The following BACH2 variants were observed in gnomAD, a reference collection of about 807,000 sequenced individuals.
BACH2 encodes the protein BACH transcriptional regulator 2, also known as transcription regulator protein BACH2.
BACH2 carries 5 observed loss-of-function variants against 61.8 expected under a neutral mutation model. The observed-to-expected ratio is 0.08, with a 90% confidence interval of 0.04 to 0.17. The LOEUF (loss-of-function observed/expected upper bound fraction) is 0.17, where lower values mean the gene tolerates loss of function less well. BACH2 is among the 10% of genes least tolerant of loss of function. The pLI, the probability that BACH2 is intolerant of heterozygous loss-of-function variation, is 1.00. For missense variants in BACH2, 824 were observed against 1,091.1 expected (o/e 0.76, Z 3.45); for synonymous variants, 446 against 440.1 (o/e 1.01, Z -0.17).
rs775598338 is a variant in BACH2 at position 89,951,026 on chromosome 6, A to G, written c.1080T>C (p.Ser360=). The change falls in exon 7 of 9, where the codon TCT becomes TCC. Residue 360 remains serine (S), a synonymous_variant. Coordinates refer to ENST00000257749, the MANE Select transcript of BACH2 (RefSeq NM_021813.4). The surrounding 1 kb of genome is among the most constrained non-coding windows in gnomAD (Gnocchi z 6.4). ...CTGGACTCCTGGCAAAGTGCTGCTG[A>G]GATGTACTGGGCAGGCCAGACAGCT... ...SVELSGLPST[S]QQHFARSPAC... 7 of 1,602,924 alleles carry G rather than the reference A, an allele frequency of 4.4e-6. No individual in the cohort carries two copies. Among genetic ancestry groups the G allele is most frequent in the Middle Eastern group, 1.7e-4 (1 of 6,018 alleles).
At chr6:89,943,559 C>T (rs1415699232) in intron 7 of BACH2, among the ~76,000 whole-genome samples, 1 of 152,108 alleles carries the variant, frequency 6.6e-6, no homozygotes, top group African/African-American at 2.4e-5. Context: ...TAGATTTCCC[C>T]GTGATCTTTG....
At chr6:89,977,679 GC>G (rs1469891213) in intron 6 of BACH2, among the ~76,000 whole-genome samples, 2 of 152,174 alleles carry the variant, frequency 1.3e-5, no homozygotes, top group African/African-American at 2.4e-5. Flanking sequence ...TTCAAATGGA[GC>G]CTATCGCTTC....
chr6:90,099,271 CAG>C (rs1241051450), intron 4 of BACH2, among the ~76,000 whole-genome samples: 2 of 152,188 alleles, frequency 1.3e-5, no homozygotes, highest in Admixed American at 6.5e-5. Context: ...AGCCTAAAGT[CAG>C]AGAGACCCAG....
intron 5 of BACH2, among the ~76,000 whole-genome samples, chr6:90,044,076 T>C (rs961592616): frequency 1.3e-5 from 2 of 152,164 alleles, no homozygotes; most frequent in Non-Finnish European, 2.9e-5. Context: ...GATATAGCAA[T>C]GAACAAAGCA....
At chr6:90,171,344 T>C (rs1277160918) in intron 4 of BACH2, among the ~76,000 whole-genome samples, 2 of 150,062 alleles carry the variant, frequency 1.3e-5, no homozygotes, top group African/African-American at 4.9e-5. Context: ...ACCCAGGAGG[T>C]GGAGGTTGCA....
At chr6:90,127,423 T>G (rs940214149) in intron 4 of BACH2, among the ~76,000 whole-genome samples, 3 of 152,166 alleles carry the variant, frequency 2.0e-5, no homozygotes, top group Non-Finnish European at 2.9e-5. Flanking sequence ...AGGGCAAGCC[T>G]CAGGCACCAG....
chr6:89,951,672 T>G lies in BACH2; in HGVS notation c.434A>C (p.Lys145Thr). 1 of 1,614,216 alleles carries G rather than the reference T, an allele frequency of 6.2e-7. No homozygotes were observed. The highest frequency in any genetic ancestry group is 8.5e-7 in the Non-Finnish European group (1 of 1,180,040). ...NSEDGLFVCR[K>T]DAACQRPHED... ...GTGTGGGCGCTGGCACGCAGCATCC[T>G]TCCGGCACACAAACAGGCCATCCTC... The change falls in exon 7 of 9, where the codon AAG becomes ACG. Residue 145 changes from lysine to threonine, a missense_variant. Lys to Thr is a moderately conservative substitution (Grantham distance 78). Coordinates refer to ENST00000257749, the MANE Select transcript of BACH2 (RefSeq NM_021813.4). The surrounding 1 kb of genome is among the most constrained non-coding windows in gnomAD (Gnocchi z 6.4).
chr6:89,984,507 A>G (rs1218244548), intron 6 of BACH2, among the ~76,000 whole-genome samples: 1 of 152,208 alleles, frequency 6.6e-6, no homozygotes, highest in Admixed American at 6.5e-5. Context: ...TGGAAAAAAT[A>G]TATCAGATAA....
chr6:90,285,828 A>G (rs1359989412), intron 1 of BACH2, among the ~76,000 whole-genome samples: 2 of 152,202 alleles, frequency 1.3e-5, no homozygotes, highest in Non-Finnish European at 2.9e-5. Flanking sequence ...GTCAGCAAGC[A>G]CTGCTGGTAG....
At chr6:90,030,282 T>C (rs1001193280) in intron 5 of BACH2, among the ~76,000 whole-genome samples, 5 of 152,048 alleles carry the variant, frequency 3.3e-5, no homozygotes, top group African/African-American at 9.7e-5. Context: ...CTCAGGATGA[T>C]GCTTTCAGAA....
At chr6:90,267,446 C>G (rs891258493) in intron 2 of BACH2, among the ~76,000 whole-genome samples, 1 of 152,120 alleles carries the variant, frequency 6.6e-6, no homozygotes, top group African/African-American at 2.4e-5. Flanking sequence ...AACAGGTACT[C>G]TCATATTTTG....
chr6:90,155,404 G>T (rs1276477238), intron 4 of BACH2, among the ~76,000 whole-genome samples: 1 of 152,174 alleles, frequency 6.6e-6, no homozygotes, highest in East Asian at 1.9e-4. Context: ...ATCATTTTTG[G>T]AAAAGGAAAC....
intron 5 of BACH2, among the ~76,000 whole-genome samples, chr6:90,011,930 ATATGTGTGTGTG>A (rs778459919): frequency 0.055 from 5,472 of 98,734 alleles, 196 homozygotes; most frequent in African/African-American, 0.11. Context: ...AAAAAAAAAA[ATATGTGTGTGTG>A]TGTGTGTGTG....
At chr6:90,018,230 A>G (rs1039439954) in intron 5 of BACH2, among the ~76,000 whole-genome samples, 1 of 152,200 alleles carries the variant, frequency 6.6e-6, no homozygotes, top group Admixed American at 6.5e-5. Context: ...TCTGCAGAAT[A>G]TTAAAGGGAA....
intron 4 of BACH2, among the ~76,000 whole-genome samples, chr6:90,184,878 C>T (rs1021576885): frequency 5.9e-5 from 9 of 152,176 alleles, no homozygotes; most frequent in African/African-American, 9.7e-5. Flanking sequence ...ACAATACTTG[C>T]GCCATTACTT....
chr6:90,095,715 T>C (rs1358434029), intron 4 of BACH2, among the ~76,000 whole-genome samples: 1 of 152,112 alleles, frequency 6.6e-6, no homozygotes, highest in East Asian at 1.9e-4. Context: ...ACTTTATACA[T>C]AAAAATTGGA....
chr6:90,198,715 A>G (rs904405237), intron 4 of BACH2, among the ~76,000 whole-genome samples: 4 of 152,186 alleles, frequency 2.6e-5, no homozygotes, highest in Non-Finnish European at 5.9e-5. Context: ...CTCCAACACA[A>G]TCATTCATCA....
In BACH2 at chr6:89,951,051, T is replaced by G; in HGVS notation, c.1055A>C (p.Glu352Ala). 1 of 1,611,228 alleles carries G rather than the reference T, an allele frequency of 6.2e-7. No individual in the cohort carries two copies. The highest frequency in any genetic ancestry group is 8.5e-7 in the Non-Finnish European group (1 of 1,178,612). Residue 352 changes from glutamate (E) to alanine (A), a missense_variant, in exon 7 of 9, where the codon GAG becomes GCG. Around this residue, in one of 8 missense-constraint regions of BACH2, gnomAD observed 226 missense variants for 228.5 expected, o/e 0.99. Transcript: ENST00000257749. This position sits in a 1 kb window ranked among gnomAD's most constrained non-coding sequence, Gnocchi z 6.4. ...AGATGTACTGGGCAGGCCAGACAGC[T>G]CCACACTTTTCGTTATGCTGAACAG... ...RSLFSITKSV[E>A]LSGLPSTSQQ...
At chr6:90,045,846 G>T (rs1779751716) in intron 5 of BACH2, among the ~76,000 whole-genome samples, 1 of 152,072 alleles carries the variant, frequency 6.6e-6, no homozygotes, top group Middle Eastern at 3.2e-3. Context: ...CACTTATTTT[G>T]CTTTTTAATC....
Sources: gnomAD v4.1 joint callset for allele counts (sites outside exome capture counted in the v4.1 genomes callset) on GRCh38, gnomAD v4.1.1 for gene constraint, gnomAD v4.1.1 regional missense constraint, Gnocchi (gnomAD v3.1) non-coding constraint, MANE v1.5 for transcripts, NCBI Gene and HGNC (gene_info 2026-07-23, HGNC 2026-07-21) for gene names.